Variants in HPSE2 observed in about 807,000 individuals in gnomAD.
HPSE2 encodes the protein heparanase 2 (inactive), also known as inactive heparanase-2.
A neutral mutation model predicts 60.5 loss-of-function variants in HPSE2; 38 were observed. The ratio of observed to expected loss-of-function variants is 0.63; its 90% CI spans 0.48 to 0.82. The LOEUF is 0.82. HPSE2 is among the 40% of genes least tolerant of loss of function. The probability of loss-of-function intolerance (pLI) is 0.00; values close to 1 mark genes in which losing one functional copy is unlikely to be tolerated. For synonymous variants in HPSE2, 295 were observed against 293.2 expected (o/e 1.01, Z -0.06); for missense variants, 713 against 740.4 (o/e 0.96, Z 0.43).
chr10:98,460,454 C>T (rs991406926), intron 11 of HPSE2, among the ~76,000 whole-genome samples: 7 of 151,910 alleles, frequency 4.6e-5, no homozygotes, highest in Non-Finnish European at 1.0e-4. Flanking sequence ...TAGCGAGACC[C>T]CATTTCTACA....
chr10:98,633,180 T>C (rs1946410505), intron 7 of HPSE2, among the ~76,000 whole-genome samples: 1 of 152,038 alleles, frequency 6.6e-6, no homozygotes, highest in Non-Finnish European at 1.5e-5. Context: ...TTTCTTATGA[T>C]TTTATTTTCT....
In HPSE2 at chr10:98,937,594, T is replaced by A. The variant is rs1236707554; in HGVS notation, c.611-193538A>T. Among the ~76,000 whole-genome samples the A allele has an allele frequency of 2.1e-5, 3 of 143,942 alleles. 1 individual carries two copies. The highest frequency in any genetic ancestry group is 4.5e-5 in the Non-Finnish European group (3 of 67,058). 94.4% of individuals were successfully genotyped at this position (143,942 alleles called of 152,430 possible). On this transcript the variant is annotated intron_variant, in intron 3 of 11. Coordinates refer to ENST00000370552, the MANE Select transcript of HPSE2 (RefSeq NM_021828.5). Reference sequence around the variant, plus strand: ...AACAAAGCAGCCTGGAAGCTCGAACTGGGTGGAGCCCACCACAGCTCAAGG... The same window carrying A: ...AACAAAGCAGCCTGGAAGCTCGAACAGGGTGGAGCCCACCACAGCTCAAGG...
intron 7 of HPSE2, among the ~76,000 whole-genome samples, chr10:98,629,695 T>C (rs927318850): frequency 5.9e-5 from 9 of 152,340 alleles, no homozygotes; most frequent in African/African-American, 1.9e-4. Flanking sequence ...AAATCCCTCT[T>C]CAGCTTAAGA....
At chr10:98,649,856 A>T (rs913580792) in intron 6 of HPSE2, among the ~76,000 whole-genome samples, 1 of 152,216 alleles carries the variant, frequency 6.6e-6, no homozygotes, top group Non-Finnish European at 1.5e-5. Flanking sequence ...ATAGAACTGA[A>T]CAGCAACCAA....
At chr10:98,936,532 A>G (rs1159216427) in intron 3 of HPSE2, among the ~76,000 whole-genome samples, 2 of 142,812 alleles carry the variant, frequency 1.4e-5, no homozygotes, top group Non-Finnish European at 3.0e-5. Context: ...TTGACTGGAG[A>G]AGGGAGGTGC....
At chr10:98,690,423 C>A (rs758439897) in intron 6 of HPSE2, among the ~76,000 whole-genome samples, 34 of 152,280 alleles carry the variant, frequency 2.2e-4, no homozygotes, top group Non-Finnish European at 4.3e-4. Context: ...TACCTGTAGT[C>A]CCAGCTACTC....
chr10:98,841,351 T>C (rs1458794098), intron 3 of HPSE2, among the ~76,000 whole-genome samples: 1 of 152,230 alleles, frequency 6.6e-6, no homozygotes, highest in African/African-American at 2.4e-5. Flanking sequence ...ATAGTTGTTA[T>C]TCAGAGGCCA....
the HPSE2 span, among the ~76,000 whole-genome samples, chr10:99,249,410 T>C: frequency 1.3e-5 from 2 of 152,200 alleles, no homozygotes; most frequent in Non-Finnish European, 1.5e-5. Flanking sequence ...TGGATTTGCA[T>C]AGGGCCTGCA....
At chr10:99,183,275 C>G (rs1210797236) in intron 2 of HPSE2, among the ~76,000 whole-genome samples, 1 of 152,056 alleles carries the variant, frequency 6.6e-6, no homozygotes, top group Non-Finnish European at 1.5e-5. Flanking sequence ...GCTCCAGAGA[C>G]CCACAGAGAG....
chr10:98,922,310 G>A (rs1954304448), intron 3 of HPSE2, among the ~76,000 whole-genome samples: 2 of 152,142 alleles, frequency 1.3e-5, no homozygotes, highest in South Asian at 4.1e-4. Context: ...AGGGGAGCTG[G>A]ACTGGGAAAT....
rs138828632 is a variant in HPSE2, at chr10:99,018,952, C to T, written c.610+125286G>A. On this transcript the variant is annotated intron_variant, in intron 3 of 11. Coordinates refer to ENST00000370552, the MANE Select transcript of HPSE2 (RefSeq NM_021828.5). ...AGAAATTTCAAAGAAATGCACATTC[C>T]ATTAGTATCAAAACTAGGTGCTTCC... Among the ~76,000 whole-genome samples the T allele has an allele frequency of 9.6e-4, 146 of 152,298 alleles. 1 individual carries two copies. The highest frequency in any genetic ancestry group is 3.2e-3 in the African/African-American group (134 of 41,564).
chr10:98,778,264 C>CAGAGAGAGAGAGACAG (rs1950385679), intron 3 of HPSE2, among the ~76,000 whole-genome samples: 1 of 112,654 alleles, frequency 8.9e-6, no homozygotes, highest in Non-Finnish European at 1.8e-5. Context: ...GAGAGAGAGA[C>CAGAGAGAGAGAGACAG]AGAGAGAGAG....
intron 3 of HPSE2, among the ~76,000 whole-genome samples, chr10:99,079,627 A>G (rs1404526880): frequency 6.6e-6 from 1 of 151,990 alleles, no homozygotes; most frequent in Non-Finnish European, 1.5e-5. Flanking sequence ...ATATGCCAGG[A>G]CCTGTCAGCA....
intron 9 of HPSE2, among the ~76,000 whole-genome samples, chr10:98,582,561 G>C (rs1409578193): frequency 6.6e-6 from 1 of 152,162 alleles, no homozygotes; most frequent in Non-Finnish European, 1.5e-5. Flanking sequence ...CAGTTCATCA[G>C]CTCCATCTGT....
intron 3 of HPSE2, among the ~76,000 whole-genome samples, chr10:98,970,878 A>T (rs1309432073): frequency 6.6e-6 from 1 of 152,194 alleles, no homozygotes; most frequent in East Asian, 1.9e-4. Context: ...TCAGAAGCCA[A>T]ATCATGTGCC....
At chr10:98,799,210 T>A (rs913155326) in intron 3 of HPSE2, among the ~76,000 whole-genome samples, 1 of 152,118 alleles carries the variant, frequency 6.6e-6, no homozygotes, top group African/African-American at 2.4e-5. Flanking sequence ...TATATAATGA[T>A]AAAGGGGTCA....
intron 3 of HPSE2, chr10:99,047,838 C>G (rs1957892100): frequency 6.3e-6 from 5 of 793,760 alleles, no homozygotes; most frequent in Non-Finnish European, 1.1e-5. Context: ...ATGTACAGAA[C>G]TGAAATTTGA....
At chr10:98,681,209 G>A (rs1296315317) in intron 6 of HPSE2, among the ~76,000 whole-genome samples, 1 of 151,912 alleles carries the variant, frequency 6.6e-6, no homozygotes, top group East Asian at 1.9e-4. Flanking sequence ...TAAAACCTGT[G>A]GCTGATTATA....
intron 3 of HPSE2, among the ~76,000 whole-genome samples, chr10:99,117,194 A>T (rs1474684180): frequency 6.6e-6 from 1 of 151,520 alleles, no homozygotes; most frequent in Non-Finnish European, 1.5e-5. Flanking sequence ...AAACAATTCT[A>T]AATTAATTAA....
Sources: gnomAD v4.1 joint callset for allele counts (sites outside exome capture counted in the v4.1 genomes callset) on GRCh38, gnomAD v4.1.1 for gene constraint, MANE v1.5 for transcripts, NCBI Gene and HGNC (gene_info 2026-07-23, HGNC 2026-07-21) for gene names.